Variants in TBC1D12 observed in about 807,000 individuals in gnomAD.
The protein encoded by TBC1D12 is TBC1 domain family, member 12.
Under a neutral mutation model 86.7 loss-of-function variants are expected in TBC1D12, and 56 were observed. That is an observed-to-expected ratio of 0.65 (90% confidence interval 0.52 to 0.81). TBC1D12 has a LOEUF of 0.81. Ranked by LOEUF, TBC1D12 falls within the 30% of genes least tolerant of loss-of-function variation. The pLI is 0.00. For synonymous variants in TBC1D12, 421 were observed against 411.7 expected (o/e 1.02, Z -0.27); for missense variants, 1,023 against 1,038.8 (o/e 0.98, Z 0.21).
At chr10:94,470,115 A>G (rs577081460) in intron 2 of TBC1D12, among the ~76,000 whole-genome samples, 18 of 152,288 alleles carry the variant, frequency 1.2e-4, no homozygotes, top group African/African-American at 3.9e-4. Context: ...TACGTCTTCA[A>G]ATCACGTGGA....
At chr10:94,474,918 T>C (rs1486617619) in intron 3 of TBC1D12, 135 bp downstream of exon 3, 3 of 818,772 alleles carry the variant, frequency 3.7e-6, no homozygotes, top group African/African-American at 1.7e-5. Flanking sequence ...CCCTGTTGTC[T>C]ATCCTAAAAC....
chr10:94,448,643 A>T (rs1383490338), intron 2 of TBC1D12, among the ~76,000 whole-genome samples: 1 of 151,666 alleles, frequency 6.6e-6, no homozygotes, highest in Non-Finnish European at 1.5e-5. Context: ...TGCCTGGCTA[A>T]TTTTTTTATA....
chr10:94,413,568 A>G (rs955953879), intron 1 of TBC1D12, among the ~76,000 whole-genome samples: 1 of 152,178 alleles, frequency 6.6e-6, no homozygotes, highest in Non-Finnish European at 1.5e-5. Flanking sequence ...GGCCAAAATA[A>G]GAAAGAGAGG....
chr10:94,493,635 T>A lies in TBC1D12; in HGVS notation c.1294+188T>A, dbSNP rs754442260. Reference sequence around the variant, plus strand: ...GATGCAGTCACAGCTCACTGTAGCCTGACCTTCCAGGCTCAAGCAGTCCTT... The same window carrying A: ...GATGCAGTCACAGCTCACTGTAGCCAGACCTTCCAGGCTCAAGCAGTCCTT... On this transcript the variant is annotated intron_variant, in intron 4 of 12. Coordinates refer to ENST00000225235, the MANE Select transcript of TBC1D12 (RefSeq NM_015188.2). Among the ~76,000 whole-genome samples, 44 of 152,314 alleles carry A rather than the reference T, an allele frequency of 2.9e-4. No individual in the cohort carries two copies. The Middle Eastern group carries it at 0.01, about 35-fold the overall frequency.
At chr10:94,487,860 C>T (rs2056190615) in intron 3 of TBC1D12, among the ~76,000 whole-genome samples, 1 of 131,396 alleles carries the variant, frequency 7.6e-6, no homozygotes, top group South Asian at 3.0e-4. Context: ...CCATACCCAG[C>T]TGGTTTTTTT....
At chr10:94,504,799 TGA>T (rs1316054896) in intron 6 of TBC1D12, among the ~76,000 whole-genome samples, 2 of 152,224 alleles carry the variant, frequency 1.3e-5, no homozygotes, top group Non-Finnish European at 2.9e-5. Flanking sequence ...TGCATTTTGC[TGA>T]GAGTATGGAT....
chr10:94,518,771 TA>T (rs1564989037), intron 9 of TBC1D12, among the ~76,000 whole-genome samples: 1 of 152,198 alleles, frequency 6.6e-6, no homozygotes, highest in Non-Finnish European at 1.5e-5. Flanking sequence ...TAAATAGTTT[TA>T]AAAATATGCA....
chr10:94,507,864 C>T (rs938039055), intron 7 of TBC1D12, among the ~76,000 whole-genome samples: 1 of 151,928 alleles, frequency 6.6e-6, no homozygotes, highest in East Asian at 1.9e-4. Context: ...CAGGTGCATG[C>T]AATCCCAGCT....
At chr10:94,461,006 G>A (rs1453771219) in intron 2 of TBC1D12, among the ~76,000 whole-genome samples, 1 of 152,002 alleles carries the variant, frequency 6.6e-6, no homozygotes, top group Non-Finnish European at 1.5e-5. Flanking sequence ...AGCCTTTAGT[G>A]CATAGTTCTC....
chr10:94,535,234 CTG>C lies in TBC1D12; in HGVS notation c.*2139_*2140del, dbSNP rs1842522123. 6.6e-6 allele frequency: 1 copy of C among 152,096 alleles called. No homozygotes were observed. Among genetic ancestry groups the C allele is most frequent in the Non-Finnish European group, 1.5e-5 (1 of 68,014 alleles). 9.4% of individuals were successfully genotyped at this position (152,096 alleles called of 1,614,324 possible). A position where few individuals can be genotyped will look rare whatever the true frequency, so the allele number is the denominator to read the frequency against. On this transcript the variant is annotated 3_prime_UTR_variant, in exon 13 of 13. Transcript: ENST00000225235. ...GGCTATATCTGATTGACAGAGATCT[CTG>C]ATCTCTAATGACATATTGCTATTGT...
chr10:94,459,051 ACTGATTGGTCCATTTTACAGAGAG>A (rs143547869), intron 2 of TBC1D12, among the ~76,000 whole-genome samples: 140,097 of 140,586 alleles, frequency 1, 69,961 homozygotes, highest in Middle Eastern at 1. Context: ...CCCGCAGCCT[ACTGATTGGTCCATTTTACAGAGAG>A]CTGATTGGTC....
rs546607976 is a variant in TBC1D12, at chr10:94,480,941, G to A, written c.1211+6158G>A. Among the ~76,000 whole-genome samples the A allele has an allele frequency of 1.6e-4, 24 of 151,334 alleles. No individual in the cohort carries two copies. In the South Asian group the frequency reaches 4.2e-3, roughly 26 times the overall value. ...ATCCACAGGTTGCAGAATGAATGTTGTGATGGCAGGCATGAAAACAACATT... is the reference window on the plus strand; with the variant it reads ...ATCCACAGGTTGCAGAATGAATGTTATGATGGCAGGCATGAAAACAACATT... On this transcript the variant is annotated intron_variant, in intron 3 of 12. Coordinates refer to ENST00000225235, the MANE Select transcript of TBC1D12 (RefSeq NM_015188.2).
At chr10:94,452,089 T>C (rs1477497594) in intron 2 of TBC1D12, among the ~76,000 whole-genome samples, 2 of 150,184 alleles carry the variant, frequency 1.3e-5, no homozygotes, top group African/African-American at 4.9e-5. Context: ...TATTTAAATA[T>C]ATGTATTTAA....
In TBC1D12 at chr10:94,493,408, C is replaced by A. The variant is rs1564975320; in HGVS notation, c.1255C>A (p.Gln419Lys). 4.3e-6 allele frequency: 7 copies of A among 1,612,682 alleles called. No homozygotes were observed. The highest frequency in any genetic ancestry group is 5.9e-6 in the Non-Finnish European group (7 of 1,179,758). The stretch of plus-strand genomic sequence containing the variant: ...TGTGGAAGAAGCTTTACGTCACCGA[C>A]AAGAATACGATGAGATGGTGGCTGA... ...KSVEEALRHR[Q>K]EYDEMVAEAK... The change falls in exon 4 of 13, where the codon CAA becomes AAA. Residue 419 changes from glutamine to lysine, a missense_variant. Transcript: ENST00000225235.
intron 2 of TBC1D12, among the ~76,000 whole-genome samples, chr10:94,448,557 A>G (rs2055504485): frequency 6.6e-6 from 1 of 152,100 alleles, no homozygotes; most frequent in Non-Finnish European, 1.5e-5. Context: ...GCTCACTGCA[A>G]CCTTGACCTC....
Position 94,497,089 on chromosome 10 carries a change from G to A in TBC1D12, c.1329G>A (p.Met443Ile). The change falls in exon 5 of 13, where the codon ATG becomes ATA. Residue 443 changes from methionine to isoleucine, a missense_variant. Physicochemically the swap from Met to Ile is conservative, Grantham distance 10 (BLOSUM62 1). Transcript: ENST00000225235. ...IKEAHKRKRIMKERFKQEENI... is the reference protein window; with the variant it reads ...IKEAHKRKRIIKERFKQEENI... ...AAGCACATAAAAGAAAAAGAATCAT[G>A]AAAGAACGATTTAAGCAGGAAGAAA... 1.3e-6 allele frequency: 2 copies of A among 1,568,294 alleles called. No homozygotes were observed. The highest frequency in any genetic ancestry group is 1.7e-6 in the Non-Finnish European group (2 of 1,164,372).
chr10:94,511,637 A>G lies in TBC1D12; in HGVS notation c.1744A>G (p.Arg582Gly). The G allele has an allele frequency of 1.9e-6, 3 of 1,612,304 alleles. No individual in the cohort carries two copies. Among genetic ancestry groups the G allele is most frequent in the Non-Finnish European group, 2.5e-6 (3 of 1,178,596 alleles). ...HSILGAYTCY[R>G]PDVGYVQGMS... The stretch of plus-strand genomic sequence containing the variant: ...TATTTTAGGGGCATACACATGCTAC[A>G]GGCCTGATGTTGGTTATGTAAGTAT... Residue 582 changes from arginine to glycine, a missense_variant, in exon 9 of 13, where the codon AGG becomes GGG. Physicochemically the swap from Arg to Gly is moderately radical, Grantham distance 125. Around this residue, in one of 2 missense-constraint regions of TBC1D12, gnomAD observed 395 missense variants for 507.7 expected, o/e 0.78. Coordinates refer to ENST00000225235, the MANE Select transcript of TBC1D12 (RefSeq NM_015188.2).
intron 2 of TBC1D12, among the ~76,000 whole-genome samples, chr10:94,450,216 T>A (rs2055528664): frequency 6.6e-6 from 1 of 152,188 alleles, no homozygotes; most frequent in Admixed American, 6.5e-5. Flanking sequence ...TATTTCAGTA[T>A]AACTGCAGGG....
intron 1 of TBC1D12, among the ~76,000 whole-genome samples, chr10:94,439,016 C>T (rs1361733613): frequency 2.0e-5 from 3 of 152,004 alleles, no homozygotes; most frequent in African/African-American, 7.3e-5. Context: ...GTTGCCCAGG[C>T]TGGTCTCGAA....
Sources: gnomAD v4.1 joint callset for allele counts (sites outside exome capture counted in the v4.1 genomes callset) on GRCh38, gnomAD v4.1.1 for gene constraint, gnomAD v4.1.1 regional missense constraint, MANE v1.5 for transcripts, NCBI Gene and HGNC (gene_info 2026-07-23, HGNC 2026-07-21) for gene names.